Variants in MMP16 observed in about 807,000 individuals in gnomAD.
MMP16 encodes matrix metalloproteinase-16.
In MMP16, 12 loss-of-function variants were observed where a neutral mutation model predicts 67.8. That is an observed-to-expected ratio of 0.18 (90% CI 0.11 to 0.29). The LOEUF (loss-of-function observed/expected upper bound fraction) is 0.29. Among genes scored for constraint, MMP16 ranks in the 10% least tolerant of loss-of-function variants. MMP16 has a pLI of 1.00. For missense variants in MMP16, 475 were observed against 765.7 expected (o/e 0.62, Z 4.48); for synonymous variants, 249 against 255.9 (o/e 0.97, Z 0.26).
chr8:88,275,704 T>G (rs1810638341), intron 1 of MMP16, among the ~76,000 whole-genome samples: 1 of 151,948 alleles, frequency 6.6e-6, no homozygotes, highest in Non-Finnish European at 1.5e-5. Context: ...CATATATTAC[T>G]TAATATCAAA....
chr8:88,082,303 C>T (rs888393646), intron 6 of MMP16, among the ~76,000 whole-genome samples: 20 of 152,008 alleles, frequency 1.3e-4, no homozygotes, highest in Non-Finnish European at 2.4e-4. Flanking sequence ...AATGGGCATC[C>T]GTATTTATTT....
chr8:88,139,222 T>C (rs569042408), intron 4 of MMP16, among the ~76,000 whole-genome samples: 4 of 152,264 alleles, frequency 2.6e-5, no homozygotes, highest in African/African-American at 9.6e-5. Context: ...TTAGTTCCCC[T>C]TATAGCTTTG....
At chr8:88,241,493 T>A (rs534314401) in intron 1 of MMP16, among the ~76,000 whole-genome samples, 2 of 152,044 alleles carry the variant, frequency 1.3e-5, no homozygotes, top group Non-Finnish European at 2.9e-5. Context: ...AGGTAGAGAG[T>A]TTCATATGGT....
rs1808044234 is a variant in MMP16, at chr8:88,035,592, C to T, written c.*5869G>A. The T allele has an allele frequency of 6.6e-6, 1 of 151,940 alleles. No homozygotes were observed. The highest frequency in any genetic ancestry group is 6.6e-5 in the Admixed American group (1 of 15,218). The allele number at this position is 151,940 out of a possible 1,614,324, so 9.4% of individuals were successfully genotyped here. On this transcript the variant is annotated 3_prime_UTR_variant, in exon 10 of 10. Coordinates refer to ENST00000286614, the MANE Select transcript of MMP16 (RefSeq NM_005941.5). The surrounding 1 kb of genome is among the most constrained non-coding windows in gnomAD (Gnocchi z 4.7). ...TTAGTTATGAATGTCTGTGAAGTCT[C>T]CGTTATAACACTAAGCTTCTGTGAT...
chr8:88,199,311 A>C (rs911384158), intron 1 of MMP16, among the ~76,000 whole-genome samples: 2 of 152,106 alleles, frequency 1.3e-5, no homozygotes, highest in Non-Finnish European at 1.5e-5. Context: ...AGCCTTTCAA[A>C]CAAATGTTTT....
intron 4 of MMP16, among the ~76,000 whole-genome samples, chr8:88,158,426 T>A (rs1022207188): frequency 1.3e-5 from 2 of 152,244 alleles, no homozygotes; most frequent in Admixed American, 6.5e-5. Flanking sequence ...CCAGTGATGA[T>A]GAGCACTTTT....
intron 1 of MMP16, among the ~76,000 whole-genome samples, chr8:88,239,097 G>A (rs1809992291): frequency 6.6e-6 from 1 of 151,892 alleles, no homozygotes; most frequent in Non-Finnish European, 1.5e-5. Context: ...TTTCCTTGCT[G>A]CTCTCCTGCC....
intron 1 of MMP16, among the ~76,000 whole-genome samples, chr8:88,225,884 T>A (rs1436215482): frequency 6.6e-6 from 1 of 151,992 alleles, no homozygotes; most frequent in East Asian, 1.9e-4. Flanking sequence ...TTTCTATTTC[T>A]TAGATTATTA....
At chr8:88,319,091 T>G (rs1811419144) in intron 1 of MMP16, among the ~76,000 whole-genome samples, 1 of 152,134 alleles carries the variant, frequency 6.6e-6, no homozygotes, top group Admixed American at 6.6e-5. Flanking sequence ...AGGCAAAGAC[T>G]ACTTAAGCAA....
At chr8:88,179,165 C>T (rs2129733088) in intron 3 of MMP16, among the ~76,000 whole-genome samples, 1 of 151,780 alleles carries the variant, frequency 6.6e-6, no homozygotes, top group East Asian at 1.9e-4. Flanking sequence ...ATATTCAAAG[C>T]AGAAAACAAA....
intron 4 of MMP16, among the ~76,000 whole-genome samples, chr8:88,160,236 C>G (rs1405757199): frequency 1.3e-5 from 2 of 151,750 alleles, no homozygotes; most frequent in Non-Finnish European, 1.5e-5. Flanking sequence ...GTTTTTTGTC[C>G]TTGCGATAGT....
intron 1 of MMP16, among the ~76,000 whole-genome samples, chr8:88,280,458 C>T (rs1810714771): frequency 6.6e-6 from 1 of 152,026 alleles, no homozygotes; most frequent in South Asian, 2.1e-4. Flanking sequence ...ACCAATATAC[C>T]ATCTCCATGT....
At chr8:88,113,334 G>A (rs1482507157) in intron 6 of MMP16, among the ~76,000 whole-genome samples, 1 of 151,774 alleles carries the variant, frequency 6.6e-6, no homozygotes, top group Admixed American at 6.6e-5. Flanking sequence ...GACTCAAGAA[G>A]CTACCCCCAG....
chr8:88,062,733 C>A (rs1436001082), intron 7 of MMP16, among the ~76,000 whole-genome samples: 1 of 151,874 alleles, frequency 6.6e-6, no homozygotes, highest in Non-Finnish European at 1.5e-5. Flanking sequence ...GTGCAGCACA[C>A]CAACATGGCA....
chr8:88,290,218 C>T (rs376515129), intron 1 of MMP16, among the ~76,000 whole-genome samples: 4 of 152,078 alleles, frequency 2.6e-5, no homozygotes, highest in East Asian at 3.9e-4. Flanking sequence ...ATGATCTATA[C>T]GCAGAGATAA....
rs1409226888 is a variant in MMP16, at chr8:88,040,143, A to G, written c.*1318T>C. On this transcript the variant is annotated 3_prime_UTR_variant, in exon 10 of 10. Transcript: ENST00000286614. The stretch of plus-strand genomic sequence containing the variant: ...ACAGAAATTCAGTATGCCTAAAAAA[A>G]AGAAAAGAAGACTTAGGCTATTATC... 1 of 152,636 alleles carries G rather than the reference A, an allele frequency of 6.6e-6. No homozygotes were observed. The highest frequency in any genetic ancestry group is 1.9e-4 in the East Asian group (1 of 5,204). 9.5% of individuals were successfully genotyped at this position (152,636 alleles called of 1,614,324 possible).
chr8:88,120,787 C>A (rs1405134933), intron 4 of MMP16, among the ~76,000 whole-genome samples: 1 of 151,896 alleles, frequency 6.6e-6, no homozygotes, highest in African/African-American at 2.4e-5. Context: ...ACTGATGCAA[C>A]TTCTTGGTCA....
chr8:88,143,027 G>A (rs546192539), intron 4 of MMP16, among the ~76,000 whole-genome samples: 83 of 152,184 alleles, frequency 5.5e-4, no homozygotes, highest in African/African-American at 1.8e-3. Context: ...TGCCTAGATC[G>A]GTATTTTTGA....
intron 8 of MMP16, among the ~76,000 whole-genome samples, chr8:88,052,182 T>A (rs1808279397): frequency 6.6e-6 from 1 of 152,154 alleles, no homozygotes; most frequent in Non-Finnish European, 1.5e-5. Context: ...CTACTTGACT[T>A]CTTCACTTGG....
Sources: gnomAD v4.1 joint callset for allele counts (sites outside exome capture counted in the v4.1 genomes callset) on GRCh38, gnomAD v4.1.1 for gene constraint, Gnocchi (gnomAD v3.1) non-coding constraint, MANE v1.5 for transcripts, NCBI Gene and HGNC (gene_info 2026-07-23, HGNC 2026-07-21) for gene names.